UGT1A6: variants seen among roughly 807,000 people sequenced by gnomAD.
The protein encoded by UGT1A6 is UDP-glucuronosyltransferase 1A6.
In UGT1A6, 32 loss-of-function variants were observed where a neutral mutation model predicts 44.4. That is an observed-to-expected ratio of 0.72 (90% CI 0.54 to 0.97). The LOEUF (loss-of-function observed/expected upper bound fraction) is 0.97, where lower values mean the gene tolerates loss of function less well. Ranked by LOEUF, UGT1A6 falls within the 50% of genes least tolerant of loss-of-function variation. UGT1A6 has a pLI of 0.00. For missense variants in UGT1A6, 685 were observed against 661.9 expected, an observed-to-expected ratio of 1.03 and a Z score of -0.38; for synonymous variants, 238 against 248.5, an observed-to-expected ratio of 0.96 and a Z score of 0.40.
intron 1 of UGT1A6, chr2:233,743,944 C>T (rs558062868): frequency 4.4e-5 from 59 of 1,351,522 alleles, no homozygotes; most frequent in Non-Finnish European, 5.5e-5. Flanking sequence ...GCCCACCAGG[C>T]ACTGGCACAG....
At chr2:233,724,315 G>T (rs1179998085) in intron 1 of UGT1A6, among the ~76,000 whole-genome samples, 3 of 148,806 alleles carry the variant, frequency 2.0e-5, no homozygotes, top group African/African-American at 5.0e-5. Context: ...CTCCCGGACG[G>T]GGCGGCTGGC....
intron 1 of UGT1A6, among the ~76,000 whole-genome samples, chr2:233,739,443 A>C (rs965423718): frequency 3.9e-5 from 6 of 152,204 alleles, no homozygotes; most frequent in African/African-American, 7.2e-5. Flanking sequence ...TACCCTGCAA[A>C]GCCACAGGGT....
intron 1 of UGT1A6, among the ~76,000 whole-genome samples, chr2:233,751,217 A>G (rs1417978582): frequency 6.6e-6 from 1 of 151,982 alleles, no homozygotes; most frequent in East Asian, 1.9e-4. Context: ...TTTAAGATTT[A>G]ATGACTGCCC....
rs1204267098 is a variant in UGT1A6 at position 233,693,294 on chromosome 2, A to G, written c.290A>G (p.Asn97Ser). The stretch of plus-strand genomic sequence containing the variant: ...AACCGTTACCAATCATTTGGAAACA[A>G]TCACTTTGCTGAGCGATCATTCCTA... ...LKNRYQSFGN[N>S]HFAERSFLTA... Residue 97 changes from asparagine to serine, a missense_variant, in exon 1 of 5, where the codon AAT becomes AGT. Transcript: ENST00000305139. The G allele has an allele frequency of 5.0e-6, 8 of 1,614,086 alleles. No individual in the cohort carries two copies. In the Middle Eastern group the frequency reaches 6.6e-4, roughly 133 times the overall value.
intron 3 of UGT1A6, 61 bp from the exon 4 acceptor site, chr2:233,768,159 T>A (rs1021483824): frequency 8.1e-6 from 13 of 1,613,176 alleles, no homozygotes; most frequent in African/African-American, 1.3e-5. Context: ...AGAACCTAGA[T>A]GTGTCCAGCT....
chr2:233,745,268 C>T (rs755257414), intron 1 of UGT1A6, among the ~76,000 whole-genome samples: 3 of 151,698 alleles, frequency 2.0e-5, no homozygotes, highest in Non-Finnish European at 4.4e-5. Context: ...ACTTGCAGGC[C>T]GTGTGTATAG....
Position 233,760,202 on chromosome 2 carries a change from A to C in UGT1A6, c.862-6832A>C, listed in dbSNP as rs1457649665. ...TTTTATAGTCACGTGACACAGTCAA[A>C]CATTAACTTGGTGTATCGATTGGTT... On this transcript the variant is annotated intron_variant, in intron 1 of 4. Transcript: ENST00000305139. 3.2e-6 allele frequency: 5 copies of C among 1,583,728 alleles called. No homozygotes were observed. The Admixed American group carries it at 8.5e-5, about 27-fold the overall frequency.
At chr2:233,701,498 T>C (rs1292229198) in intron 1 of UGT1A6, among the ~76,000 whole-genome samples, 11 of 152,126 alleles carry the variant, frequency 7.2e-5, no homozygotes, top group Middle Eastern at 3.2e-3. Context: ...GCGGACCTAA[T>C]AGACATCTAC....
chr2:233,743,887 C>G (rs1296707110), intron 1 of UGT1A6: 23 of 1,366,658 alleles, frequency 1.7e-5, no homozygotes, highest in Non-Finnish European at 2.3e-5. Flanking sequence ...CCTGCCGGGG[C>G]ACGTCCAGCA....
In UGT1A6 at chr2:233,705,458, A is replaced by C. The variant is rs1256694964; in HGVS notation, c.861+11593A>C. On this transcript the variant is annotated intron_variant, in intron 1 of 4. Transcript: ENST00000305139. ...TCCTTCAGAATTGCACATATTTTTTAGCAGACACACATGAGGCAAATTTAA... is the reference window on the plus strand; with the variant it reads ...TCCTTCAGAATTGCACATATTTTTTCGCAGACACACATGAGGCAAATTTAA... Among the ~76,000 whole-genome samples the C allele has an allele frequency of 2.6e-5, 4 of 152,214 alleles. No individual in the cohort carries two copies. In the East Asian group the frequency reaches 7.7e-4, roughly 29 times the overall value.
At chr2:233,729,547 C>T in intron 1 of UGT1A6, 2 of 1,614,168 alleles carry the variant, frequency 1.2e-6, no homozygotes, top group Non-Finnish European at 1.7e-6. Context: ...GATCAGGCAC[C>T]TGAATGCTAC....
chr2:233,693,595 A>G lies in UGT1A6; in HGVS notation c.591A>G (p.Thr197=), dbSNP rs200043339. 1.1e-5 allele frequency: 17 copies of G among 1,614,104 alleles called. No homozygotes were observed. The highest frequency in any genetic ancestry group is 1.4e-5 in the Non-Finnish European group (16 of 1,180,044). Residue 197 remains threonine (T), a synonymous_variant, in exon 1 of 5, where the codon ACA becomes ACG. Coordinates refer to ENST00000305139, the MANE Select transcript of UGT1A6 (RefSeq NM_001072.4). The part of the protein sequence containing the change: ...DPVSYIPRCY[T]KFSDHMTFSQ... ...TGTCCTACATTCCCAGGTGCTACAC[A>G]AAGTTTTCAGACCACATGACTTTTT... is the stretch of plus-strand genomic sequence containing the variant.
At chr2:233,715,699 G>A (rs1160022726) in intron 1 of UGT1A6, among the ~76,000 whole-genome samples, 1 of 152,162 alleles carries the variant, frequency 6.6e-6, no homozygotes, top group Non-Finnish European at 1.5e-5. Flanking sequence ...TTGATCCCAG[G>A]AGGTGGAGGC....
chr2:233,699,358 T>C (rs184232584), intron 1 of UGT1A6, among the ~76,000 whole-genome samples: 40 of 152,340 alleles, frequency 2.6e-4, no homozygotes, highest in African/African-American at 8.9e-4. Context: ...CCTCTTTTCT[T>C]ATTGGTATGG....
At chr2:233,767,613 G>C (rs1438949419) in intron 2 of UGT1A6, among the ~76,000 whole-genome samples, 4 of 152,108 alleles carry the variant, frequency 2.6e-5, no homozygotes, top group African/African-American at 9.7e-5. Flanking sequence ...AAAATCCTAA[G>C]TGCACAGCTT....
At chr2:233,704,065 A>AT (rs1378377805) in intron 1 of UGT1A6, among the ~76,000 whole-genome samples, 22 of 151,732 alleles carry the variant, frequency 1.4e-4, no homozygotes, top group African/African-American at 5.1e-4. Flanking sequence ...TAATTTTTGT[A>AT]TTTTTTATAG....
At chr2:233,755,021 G>C (rs1378604817) in intron 1 of UGT1A6, 1 of 1,305,166 alleles carries the variant, frequency 7.7e-7, no homozygotes, top group Non-Finnish European at 1.0e-6. Context: ...AGGGGTCCTT[G>C]AAGGGCCTGC....
intron 1 of UGT1A6, among the ~76,000 whole-genome samples, chr2:233,695,423 CT>C (rs2075287653): frequency 2.6e-5 from 2 of 76,322 alleles, no homozygotes; most frequent in Non-Finnish European, 6.4e-5. Context: ...CGCGCCCGGC[CT>C]TCTTCTTCTT....
At chr2:233,713,402 G>T (rs2076318296) in intron 1 of UGT1A6, 1 of 1,614,124 alleles carries the variant, frequency 6.2e-7, no homozygotes, top group Admixed American at 1.7e-5. Flanking sequence ...ATGAGGCCCT[G>T]ATCAGGCACC....
Sources: gnomAD v4.1 joint callset for allele counts (sites outside exome capture counted in the v4.1 genomes callset) on GRCh38, gnomAD v4.1.1 for gene constraint, MANE v1.5 for transcripts, NCBI Gene and HGNC (gene_info 2026-07-23, HGNC 2026-07-21) for gene names.